Variants in SGCZ observed in about 807,000 individuals in gnomAD.
SGCZ encodes the protein sarcoglycan zeta, also known as zeta-sarcoglycan.
In SGCZ, 40 loss-of-function variants were observed where a neutral mutation model predicts 41.3. The ratio of observed to expected loss-of-function variants is 0.97; its 90% CI spans 0.75 to 1.26. The LOEUF (loss-of-function observed/expected upper bound fraction) is 1.26. Among genes scored for constraint, SGCZ ranks in the 50% most tolerant of loss-of-function variants. The probability of loss-of-function intolerance (pLI) is 0.00; values close to 1 mark genes in which losing one functional copy is unlikely to be tolerated. For synonymous variants in SGCZ, 206 were observed against 137.5 expected, an observed-to-expected ratio of 1.50 and a Z score of -3.49; for missense variants, 552 against 369.8, an observed-to-expected ratio of 1.49 and a Z score of -4.04.
At chr8:14,881,207 G>A (rs145098771) in intron 1 of SGCZ, among the ~76,000 whole-genome samples, 164 of 152,128 alleles carry the variant, frequency 1.1e-3, no homozygotes, top group East Asian at 4.4e-3. Flanking sequence ...TTTTAATAAT[G>A]ACAAGTATGT....
At chr8:14,965,524 T>C (rs1181242699) in intron 1 of SGCZ, among the ~76,000 whole-genome samples, 2 of 152,180 alleles carry the variant, frequency 1.3e-5, no homozygotes, top group Non-Finnish European at 2.9e-5. Flanking sequence ...ATAAGTGGGA[T>C]ATTATATGAT....
chr8:15,081,614 T>C (rs571938426), intron 1 of SGCZ, among the ~76,000 whole-genome samples: 1 of 152,070 alleles, frequency 6.6e-6, no homozygotes, highest in South Asian at 2.1e-4. Flanking sequence ...AGGGGAAGAA[T>C]AAACAAGTTT....
chr8:14,628,100 A>T (rs983241720), intron 1 of SGCZ, among the ~76,000 whole-genome samples: 1 of 152,066 alleles, frequency 6.6e-6, no homozygotes, highest in Non-Finnish European at 1.5e-5. Context: ...ATGCTAGAAC[A>T]TGAAATTAAG....
At chr8:14,265,588 G>C (rs781084455) in intron 3 of SGCZ, among the ~76,000 whole-genome samples, 9 of 151,940 alleles carry the variant, frequency 5.9e-5, no homozygotes, top group Admixed American at 1.3e-4. Context: ...TCGCAAATCA[G>C]TAAGATTTGC....
intron 5 of SGCZ, among the ~76,000 whole-genome samples, chr8:14,151,114 C>T (rs889624102): frequency 6.6e-6 from 1 of 152,024 alleles, no homozygotes; most frequent in Admixed American, 6.6e-5. Flanking sequence ...TTTGATAGCA[C>T]AATAGGGTGA....
intron 4 of SGCZ, among the ~76,000 whole-genome samples, chr8:14,225,586 GAC>G (rs759065408): frequency 2.4e-4 from 37 of 151,956 alleles, no homozygotes; most frequent in Non-Finnish European, 3.7e-4. Flanking sequence ...AGAAGAAAAA[GAC>G]AGAAAAAGTC....
chr8:15,029,024 A>G (rs17470982), intron 1 of SGCZ, among the ~76,000 whole-genome samples: 5,952 of 152,164 alleles, frequency 0.039, 151 homozygotes, highest in Non-Finnish European at 0.056. Context: ...AGAAATAACT[A>G]CCTGTTACAA....
intron 1 of SGCZ, among the ~76,000 whole-genome samples, chr8:15,154,896 C>T (rs1364511693): frequency 1.3e-5 from 2 of 152,088 alleles, no homozygotes; most frequent in Non-Finnish European, 2.9e-5. Flanking sequence ...GGAATAAGCT[C>T]TAGTGTTCTA....
rs1420190004 is a variant in SGCZ at position 14,551,576 on chromosome 8, A to AT, written c.234+3155dup. Among the ~76,000 whole-genome samples, 31 of 37,752 alleles carry AT rather than the reference A, an allele frequency of 8.2e-4. 1 individual carries two copies. The highest frequency in any genetic ancestry group is 4.8e-3 in the African/African-American group (31 of 6,464). 24.8% of individuals were successfully genotyped at this position (37,752 alleles called of 152,430 possible). A position where few individuals can be genotyped will look rare whatever the true frequency, so the allele number is the denominator to read the frequency against. On this transcript the variant is annotated intron_variant, in intron 2 of 7. Coordinates refer to ENST00000382080, the MANE Select transcript of SGCZ (RefSeq NM_139167.4). Reference sequence around the variant, plus strand: ...AATATATATTATATATATAATATATATATAATATATATAATATATATTATA... The same window carrying AT: ...AATATATATTATATATATAATATATATTATAATATATATAATATATATTATA...
rs1281288856 is a variant in SGCZ at position 14,680,426 on chromosome 8, G to A, written c.40-125500C>T. On this transcript the variant is annotated intron_variant, in intron 1 of 7. Transcript: ENST00000382080. Reference sequence around the variant, plus strand: ...GCACTTTGGGAGATGTTTACAATGGGGAAACTATGTATGCATGGTGGCAAT... The same window carrying A: ...GCACTTTGGGAGATGTTTACAATGGAGAAACTATGTATGCATGGTGGCAAT... Among the ~76,000 whole-genome samples, 5 of 151,938 alleles carry A rather than the reference G, an allele frequency of 3.3e-5. No homozygotes were observed. The East Asian group carries it at 9.6e-4, about 29-fold the overall frequency.
At position 15,066,232 on chromosome 8, in the gene SGCZ, C is replaced by CG. The variant is rs1487187309; in HGVS notation, c.39+171352dup. On this transcript the variant is annotated intron_variant, in intron 1 of 7. Transcript: ENST00000382080. ...CTGAGGCAGGAGAATGGCGTGAACC[C>CG]GGGAAGCGGAGCTTGCCGTGAGCCG... Among the ~76,000 whole-genome samples, 10 of 150,456 alleles carry CG rather than the reference C, an allele frequency of 6.6e-5. No individual in the cohort carries two copies. In the East Asian group the frequency reaches 1.8e-3, roughly 27 times the overall value.
chr8:15,177,994 C>T (rs895672799), intron 1 of SGCZ, among the ~76,000 whole-genome samples: 3 of 152,168 alleles, frequency 2.0e-5, no homozygotes, highest in Non-Finnish European at 4.4e-5. Context: ...CCACTCACCA[C>T]TTCCTATGAC....
chr8:14,199,587 G>A (rs892096145), intron 4 of SGCZ, among the ~76,000 whole-genome samples: 10 of 151,552 alleles, frequency 6.6e-5, no homozygotes, highest in East Asian at 1.9e-4. Flanking sequence ...TTTACGGCTC[G>A]GGGGGCATCA....
intron 2 of SGCZ, among the ~76,000 whole-genome samples, chr8:14,410,117 T>C (rs1039296433): frequency 2.0e-5 from 3 of 152,108 alleles, no homozygotes; most frequent in African/African-American, 7.2e-5. Flanking sequence ...GCAAAACTCA[T>C]TGTGAACTGC....
Position 15,139,114 on chromosome 8 carries a change from C to T in SGCZ, c.39+98471G>A, listed in dbSNP as rs199824431. Among the ~76,000 whole-genome samples the T allele has an allele frequency of 7.9e-5, 12 of 152,246 alleles. No homozygotes were observed. In the East Asian group the frequency reaches 1.5e-3, roughly 20 times the overall value. On this transcript the variant is annotated intron_variant, in intron 1 of 7. Transcript: ENST00000382080. Reference sequence around the variant, plus strand: ...GCAAATGAATATAAACAGGCCAGAACATGAATGCCTTTGCTGAGGGCTTGG... The same window carrying T: ...GCAAATGAATATAAACAGGCCAGAATATGAATGCCTTTGCTGAGGGCTTGG...
At chr8:15,078,126 AG>A (rs2131039557) in intron 1 of SGCZ, among the ~76,000 whole-genome samples, 1 of 137,356 alleles carries the variant, frequency 7.3e-6, no homozygotes, top group East Asian at 2.3e-4. Flanking sequence ...GTGAGGTGAC[AG>A]CCTGTTGGCA....
At chr8:14,335,016 G>A (rs770665605) in intron 2 of SGCZ, among the ~76,000 whole-genome samples, 7 of 152,056 alleles carry the variant, frequency 4.6e-5, no homozygotes, top group African/African-American at 7.2e-5. Flanking sequence ...GAACTATTAG[G>A]TAAATGTCAA....
At chr8:14,483,948 G>T (rs1481826157) in intron 2 of SGCZ, among the ~76,000 whole-genome samples, 1 of 152,068 alleles carries the variant, frequency 6.6e-6, no homozygotes, top group African/African-American at 2.4e-5. Flanking sequence ...ATGGATTAAA[G>T]ATAATTTTCT....
chr8:14,655,830 A>T (rs1035339924), intron 1 of SGCZ, among the ~76,000 whole-genome samples: 1 of 152,074 alleles, frequency 6.6e-6, no homozygotes, highest in South Asian at 2.1e-4. Context: ...GAATGTTGTC[A>T]TTTAGGAGTG....
Sources: allele counts gnomAD v4.1 joint callset (sites outside exome capture counted in the v4.1 genomes callset), GRCh38; gene constraint gnomAD v4.1.1; transcripts MANE v1.5; gene names NCBI Gene and HGNC (gene_info 2026-07-23, HGNC 2026-07-21).